Variants in GASK1B observed in about 807,000 individuals in gnomAD.
GASK1B encodes golgi associated kinase 1B, also known as Golgi-associated kinase 1B.
Under a neutral mutation model 42.8 loss-of-function variants are expected in GASK1B, and 34 were observed. The ratio of observed to expected loss-of-function variants is 0.79; its 90% CI spans 0.60 to 1.06. The LOEUF (loss-of-function observed/expected upper bound fraction) is 1.06, where lower values mean the gene tolerates loss of function less well. Among genes scored for constraint, GASK1B ranks in the 50% least tolerant of loss-of-function variants. The probability of loss-of-function intolerance (pLI) is 0.00; values close to 1 mark genes in which losing one functional copy is unlikely to be tolerated. For synonymous variants in GASK1B, 262 were observed against 259.1 expected (o/e 1.01, Z -0.11); for missense variants, 686 against 661.0 (o/e 1.04, Z -0.42).
Position 158,170,850 on chromosome 4 carries a change from C to T in GASK1B, c.526G>A (p.Gly176Arg). Residue 176 changes from glycine to arginine, a missense_variant, in exon 2 of 5, where the codon GGA (glycine) becomes AGA (arginine). Physicochemically the swap from Gly to Arg is moderately radical, Grantham distance 125. Transcript: ENST00000585682. ...CGCACCAACCTCCAGGGTCGCTCTC[C>T]AATCTTAACCAGGTTTGCTCCCTGA... Reference protein sequence around the residue: ...YAQGANLVKIGERPWRLVRGP... With the variant: ...YAQGANLVKIRERPWRLVRGP... 2 of 1,614,232 alleles carry T rather than the reference C, an allele frequency of 1.2e-6. No homozygotes were observed. Among genetic ancestry groups the T allele is most frequent in the South Asian group, 1.1e-5 (1 of 91,090 alleles).
intron 3 of GASK1B, among the ~76,000 whole-genome samples, chr4:158,150,183 C>T (rs1394749363): frequency 6.6e-6 from 1 of 151,982 alleles, no homozygotes; most frequent in East Asian, 1.9e-4. Flanking sequence ...CCTCGGCCTC[C>T]CAAAGTGCTG....
At position 158,145,032 on chromosome 4, in the gene GASK1B, A is replaced by G. The variant is rs1053116557; in HGVS notation, c.1125+10579T>C. ...AAAGCTGGCGGCAAGACCCTTGACCATCAAACAGGAGAAAAATCCTCATCA... is the reference window on the plus strand; with the variant it reads ...AAAGCTGGCGGCAAGACCCTTGACCGTCAAACAGGAGAAAAATCCTCATCA... On this transcript the variant is annotated intron_variant, in intron 3 of 4. Coordinates refer to ENST00000585682, the MANE Select transcript of GASK1B (RefSeq NM_001128424.2). Among the ~76,000 whole-genome samples, 10 of 152,152 alleles carry G rather than the reference A, an allele frequency of 6.6e-5. No homozygotes were observed. In the South Asian group the frequency reaches 1.7e-3, roughly 25 times the overall value.
intron 2 of GASK1B, among the ~76,000 whole-genome samples, chr4:158,162,548 T>C (rs1351850013): frequency 6.6e-6 from 1 of 152,172 alleles, no homozygotes; most frequent in Non-Finnish European, 1.5e-5. Context: ...TCAATACGAA[T>C]TGGGAAGGAT....
At chr4:158,171,677 A>T (rs1030047525) in intron 1 of GASK1B, 78 bp from the exon 2 acceptor site, 3 of 274,690 alleles carry the variant, frequency 1.1e-5, no homozygotes, top group African/African-American at 6.6e-5. Context: ...TCAAGAAAAA[A>T]AGTAATCATT....
chr4:158,128,159 A>C (rs969340463), intron 4 of GASK1B, among the ~76,000 whole-genome samples: 1 of 152,188 alleles, frequency 6.6e-6, no homozygotes, highest in Admixed American at 6.6e-5. Context: ...ATCAAATTAA[A>C]GAAAGAATTG....
intron 3 of GASK1B, among the ~76,000 whole-genome samples, chr4:158,131,396 A>G (rs1730677859): frequency 6.6e-6 from 1 of 152,216 alleles, no homozygotes; most frequent in Admixed American, 6.5e-5. Flanking sequence ...TTTCTCCCTC[A>G]GGTGGCTTAT....
chr4:158,155,654 T>C lies in GASK1B; in HGVS notation c.1082A>G (p.His361Arg), dbSNP rs145734353. 600 of 1,613,760 alleles carry C rather than the reference T, an allele frequency of 3.7e-4. No individual in the cohort carries two copies. Among genetic ancestry groups the C allele is most frequent in the Non-Finnish European group, 4.9e-4 (578 of 1,179,788 alleles). ...GAGTGCCATCTTGGACCACTCATGA[T>C]GATGTATTTCAGTACAACCCGATTC... ...KPESGCTEIH[H>R]HEWSKMALFD... Residue 361 changes from histidine (H) to arginine (R), a missense_variant, in exon 3 of 5, where the codon CAT (histidine) becomes CGT (arginine). His to Arg is a conservative substitution (Grantham distance 29). Coordinates refer to ENST00000585682, the MANE Select transcript of GASK1B (RefSeq NM_001128424.2).
chr4:158,143,775 G>A (rs1369614535), intron 3 of GASK1B, among the ~76,000 whole-genome samples: 7 of 152,064 alleles, frequency 4.6e-5, no homozygotes, highest in African/African-American at 1.7e-4. Flanking sequence ...TAGACATCAA[G>A]TTTGAGAGGA....
rs80280199 is a variant in GASK1B, at chr4:158,160,500, T to C, written c.911-4675A>G. ...AAAAGGGAACCCTTAGCACTGCTGGTTGGAATATGCATTAATACAGCCATG... is the reference window on the plus strand; with the variant it reads ...AAAAGGGAACCCTTAGCACTGCTGGCTGGAATATGCATTAATACAGCCATG... On this transcript the variant is annotated intron_variant, in intron 2 of 4. Transcript: ENST00000585682. Among the ~76,000 whole-genome samples, 350 of 152,146 alleles carry C rather than the reference T, an allele frequency of 2.3e-3. 9 individuals are homozygous for C. The East Asian group carries it at 0.061, about 27-fold the overall frequency.
At position 158,128,533 on chromosome 4, in the gene GASK1B, G is replaced by A. The variant is rs374149912; in HGVS notation, c.1353-919C>T. 5.9e-5 allele frequency among the ~76,000 whole-genome samples: 9 copies of A among 152,258 alleles called. No homozygotes were observed. In the East Asian group the frequency reaches 7.7e-4, roughly 13 times the overall value. On this transcript the variant is annotated intron_variant, in intron 4 of 4. Transcript: ENST00000585682. ...CTGATAAAAGCACAGTAAAAATATT[G>A]TTTTAAGAGTACATTTCTAATAAAC...
At chr4:158,145,125 G>C (rs977145255) in intron 3 of GASK1B, among the ~76,000 whole-genome samples, 2 of 152,122 alleles carry the variant, frequency 1.3e-5, no homozygotes, top group Admixed American at 1.3e-4. Flanking sequence ...CAGAAACAAA[G>C]ATCTTTCCAT....
chr4:158,145,784 A>C (rs1731308581), intron 3 of GASK1B, among the ~76,000 whole-genome samples: 1 of 152,216 alleles, frequency 6.6e-6, no homozygotes. Flanking sequence ...CAGTGTCTGC[A>C]GCAGATAAGA....
At chr4:158,162,924 CTT>C (rs1732080807) in intron 2 of GASK1B, among the ~76,000 whole-genome samples, 1 of 152,196 alleles carries the variant, frequency 6.6e-6, no homozygotes, top group Admixed American at 6.5e-5. Flanking sequence ...GCTGAGTCCT[CTT>C]GACCCATGTC....
intron 3 of GASK1B, among the ~76,000 whole-genome samples, chr4:158,140,038 T>C (rs1731054038): frequency 6.6e-6 from 1 of 152,232 alleles, no homozygotes; most frequent in Non-Finnish European, 1.5e-5. Flanking sequence ...CTATTTTTCT[T>C]CCTGTGACTG....
rs141534472 is a variant in GASK1B at position 158,138,154 on chromosome 4, T to A, written c.1126-7142A>T. On this transcript the variant is annotated intron_variant, in intron 3 of 4. Transcript: ENST00000585682. ...ATTTCTATAGCTGCAATGTTTAAAA[T>A]CCATATACTGCACCTCTCAATAAGA... Among the ~76,000 whole-genome samples the A allele has an allele frequency of 2.4e-4, 37 of 152,310 alleles. No individual in the cohort carries two copies. The East Asian group carries it at 6.9e-3, about 29-fold the overall frequency.
intron 3 of GASK1B, among the ~76,000 whole-genome samples, chr4:158,149,008 T>A (rs1310615546): frequency 1.3e-5 from 2 of 152,292 alleles, no homozygotes; most frequent in East Asian, 1.9e-4. Context: ...GCATTACTAC[T>A]CCCCTCAAAG....
At chr4:158,151,209 A>G (rs976834964) in intron 3 of GASK1B, among the ~76,000 whole-genome samples, 1 of 152,256 alleles carries the variant, frequency 6.6e-6, no homozygotes, top group African/African-American at 2.4e-5. Flanking sequence ...AAAGCCTTAT[A>G]AAATGTGAGG....
intron 3 of GASK1B, among the ~76,000 whole-genome samples, chr4:158,134,297 T>C (rs1211528657): frequency 1.3e-5 from 2 of 152,240 alleles, no homozygotes; most frequent in Non-Finnish European, 2.9e-5. Context: ...CCTACATAGC[T>C]ATGAATCCAT....
At chr4:158,136,890 T>C (rs1264960121) in intron 3 of GASK1B, among the ~76,000 whole-genome samples, 1 of 152,224 alleles carries the variant, frequency 6.6e-6, no homozygotes, top group Non-Finnish European at 1.5e-5. Flanking sequence ...GCCTACCACA[T>C]AGTAGGTACT....
Sources: gnomAD v4.1 joint callset for allele counts (sites outside exome capture counted in the v4.1 genomes callset) on GRCh38, gnomAD v4.1.1 for gene constraint, MANE v1.5 for transcripts, NCBI Gene and HGNC (gene_info 2026-07-23, HGNC 2026-07-21) for gene names.